Variants in BIRC6 observed in about 807,000 individuals in gnomAD.
BIRC6 encodes baculoviral IAP repeat containing 6.
BIRC6 carries 98 observed loss-of-function variants against 503.3 expected under a neutral mutation model. The ratio of observed to expected loss-of-function variants is 0.19; its 90% CI spans 0.17 to 0.23. BIRC6 has a LOEUF of 0.23. BIRC6 is among the 10% of genes least tolerant of loss of function. The pLI is 1.00. For synonymous variants in BIRC6, 2,240 were observed against 2,078.7 expected, an observed-to-expected ratio of 1.08 and a Z score of -2.11; for missense variants, 5,360 against 5,806.0, an observed-to-expected ratio of 0.92 and a Z score of 2.50.
intron 66 of BIRC6, among the ~76,000 whole-genome samples, chr2:32,580,142 C>T (rs931632125): frequency 4.6e-5 from 7 of 151,798 alleles, no homozygotes; most frequent in African/African-American, 9.7e-5. Flanking sequence ...TTAGTAGAGA[C>T]GGGGTTTCAC....
intron 6 of BIRC6, among the ~76,000 whole-genome samples, chr2:32,396,844 C>T (rs1272616414): frequency 1.3e-5 from 2 of 152,068 alleles, no homozygotes; most frequent in African/African-American, 2.4e-5. Context: ...CTGCCTCAGC[C>T]TCCCGAGTAG....
chr2:32,565,730 G>C (rs557217337), intron 65 of BIRC6: 1 of 152,314 alleles, frequency 6.6e-6, no homozygotes, highest in South Asian at 2.1e-4. Flanking sequence ...AGTTCTGCAG[G>C]GCTGGGGAGG....
At chr2:32,409,740 A>G (rs1299596256) in intron 9 of BIRC6, among the ~76,000 whole-genome samples, 3 of 152,370 alleles carry the variant, frequency 2.0e-5, no homozygotes, top group Non-Finnish European at 4.4e-5. Flanking sequence ...CACTACCCAA[A>G]TAAGCAGAAT....
chr2:32,463,659 A>G (rs1388533401), intron 24 of BIRC6, among the ~76,000 whole-genome samples: 2 of 152,214 alleles, frequency 1.3e-5, no homozygotes, highest in Non-Finnish European at 2.9e-5. Context: ...AAGAATATGT[A>G]CAGTTACTAG....
At chr2:32,385,494 A>G (rs980267176) in intron 3 of BIRC6, among the ~76,000 whole-genome samples, 10 of 152,220 alleles carry the variant, frequency 6.6e-5, no homozygotes, top group East Asian at 3.8e-4. Flanking sequence ...ATTAATCTCT[A>G]TCTGGGACTA....
intron 61 of BIRC6, chr2:32,532,157 G>GTGTGTGTGTA (rs902489429): frequency 1.9e-6 from 1 of 529,578 alleles, no homozygotes; most frequent in Non-Finnish European, 3.9e-6. Context: ...GTGTGTGTGT[G>GTGTGTGTGTA]TGTGTGTGTG....
At chr2:32,461,058 TTC>T (rs2047882617) in intron 23 of BIRC6, among the ~76,000 whole-genome samples, 2 of 50,592 alleles carry the variant, frequency 4.0e-5, no homozygotes, top group Admixed American at 1.9e-4. Flanking sequence ...TTCTCTTCTC[TTC>T]TCTTCTGTTC....
At chr2:32,609,296 T>C (rs1432762932) in intron 72 of BIRC6, among the ~76,000 whole-genome samples, 1 of 151,826 alleles carries the variant, frequency 6.6e-6, no homozygotes, top group Non-Finnish European at 1.5e-5. Context: ...TGTGTGTGTG[T>C]GTGTGTGTGT....
chr2:32,592,994 C>T (rs760852293), intron 66 of BIRC6, among the ~76,000 whole-genome samples: 4 of 152,128 alleles, frequency 2.6e-5, no homozygotes, highest in Non-Finnish European at 4.4e-5. Context: ...ATGACCAAGT[C>T]CCTTTTTAGG....
chr2:32,439,921 C>T (rs1347151240), intron 16 of BIRC6, among the ~76,000 whole-genome samples: 1 of 152,170 alleles, frequency 6.6e-6, no homozygotes, highest in African/African-American at 2.4e-5. Flanking sequence ...CTCTTTCCCC[C>T]AGGCTGGAAT....
At chr2:32,362,762 G>T (rs766518711) in intron 1 of BIRC6, among the ~76,000 whole-genome samples, 2 of 152,146 alleles carry the variant, frequency 1.3e-5, no homozygotes, top group Non-Finnish European at 2.9e-5. Context: ...GACACAGATA[G>T]CTTGGGTTAA....
At chr2:32,492,669 T>C (rs1363646445) in intron 44 of BIRC6, among the ~76,000 whole-genome samples, 1 of 152,112 alleles carries the variant, frequency 6.6e-6, no homozygotes, top group Non-Finnish European at 1.5e-5. Context: ...ATTTTCTTTC[T>C]GTTTTTGAAT....
rs770023753 is a variant in BIRC6, at chr2:32,395,606, G to C, written c.1034+13G>C. 2 of 1,589,930 alleles carry C rather than the reference G, an allele frequency of 1.3e-6. No homozygotes were observed. The highest frequency in any genetic ancestry group is 4.5e-5 in the East Asian group (2 of 44,752). ...CTGATGAACCTTGGTGAGTCTTGAT[G>C]TTTCTGGGCATAATAGGCTAAGTCA... On this transcript the variant is annotated intron_variant, in intron 6 of 73. Transcript: ENST00000421745.
At chr2:32,426,389 G>C (rs2043496113) in intron 10 of BIRC6, among the ~76,000 whole-genome samples, 1 of 152,186 alleles carries the variant, frequency 6.6e-6, no homozygotes, top group Non-Finnish European at 1.5e-5. Context: ...GATCACCTAA[G>C]GTCAGGAGTT....
chr2:32,616,435 C>T lies in BIRC6; in HGVS notation c.14395-1290C>T, dbSNP rs984825964. Among the ~76,000 whole-genome samples, 3 of 151,826 alleles carry T rather than the reference C, an allele frequency of 2.0e-5. No individual in the cohort carries two copies. The South Asian group carries it at 6.2e-4, about 32-fold the overall frequency. On this transcript the variant is annotated intron_variant, in intron 73 of 73. Transcript: ENST00000421745. Reference sequence around the variant, plus strand: ...ATTAACTGGGCATGGTGGTGCATGCCTGTAATAGCAGTTGCTCGGGAGGCT... The same window carrying T: ...ATTAACTGGGCATGGTGGTGCATGCTTGTAATAGCAGTTGCTCGGGAGGCT...
chr2:32,584,625 A>G (rs887768481), intron 66 of BIRC6, among the ~76,000 whole-genome samples: 2 of 152,368 alleles, frequency 1.3e-5, no homozygotes, highest in South Asian at 4.1e-4. Context: ...TTCTTGTTCA[A>G]TTAAAATTAT....
At chr2:32,455,379 C>CAAA (rs758202958) in intron 23 of BIRC6, among the ~76,000 whole-genome samples, 9 of 88,718 alleles carry the variant, frequency 1.0e-4, no homozygotes, top group African/African-American at 2.6e-4. Context: ...ACTCTGTCTC[C>CAAA]AAAAAAAAAA....
intron 65 of BIRC6, among the ~76,000 whole-genome samples, chr2:32,560,334 C>T (rs6736200): frequency 0.017 from 2,558 of 152,178 alleles, 59 homozygotes; most frequent in African/African-American, 0.059. Flanking sequence ...TTCCCAGTCT[C>T]GTGTGCCAGT....
chr2:32,548,645 G>C (rs1240233301), intron 64 of BIRC6: 1 of 152,018 alleles, frequency 6.6e-6, no homozygotes, highest in African/African-American at 2.4e-5. Flanking sequence ...AGCTGGGCTT[G>C]GTGGCACATG....
Sources: gnomAD v4.1 joint callset for allele counts (sites outside exome capture counted in the v4.1 genomes callset) on GRCh38, gnomAD v4.1.1 for gene constraint, MANE v1.5 for transcripts, NCBI Gene and HGNC (gene_info 2026-07-23, HGNC 2026-07-21) for gene names.